The following PRKAR1B variants were observed in gnomAD, a reference collection of about 807,000 sequenced individuals.
PRKAR1B encodes protein kinase cAMP-dependent type I regulatory subunit beta, also known as cAMP-dependent protein kinase type I-beta regulatory subunit.
A neutral mutation model predicts 46.5 loss-of-function variants in PRKAR1B; 22 were observed. The ratio of observed to expected loss-of-function variants is 0.47; its 90% CI spans 0.34 to 0.68. The LOEUF (loss-of-function observed/expected upper bound fraction) is 0.68, where lower values mean the gene tolerates loss of function less well. Among genes scored for constraint, PRKAR1B ranks in the 30% least tolerant of loss-of-function variants. The probability of loss-of-function intolerance (pLI) is 0.01; values close to 1 mark genes in which losing one functional copy is unlikely to be tolerated. For synonymous variants in PRKAR1B, 259 were observed against 217.7 expected (o/e 1.19, Z -1.67); for missense variants, 445 against 535.6 (o/e 0.83, Z 1.67).
intron 9 of PRKAR1B, among the ~76,000 whole-genome samples, chr7:571,305 G>A (rs1057202412): frequency 3.3e-5 from 5 of 152,096 alleles, no homozygotes; most frequent in African/African-American, 7.2e-5. Flanking sequence ...GACCCCACCC[G>A]ATGACGGGGT....
chr7:605,100 A>C (rs947226223), intron 6 of PRKAR1B, among the ~76,000 whole-genome samples: 2 of 152,236 alleles, frequency 1.3e-5, no homozygotes, highest in Non-Finnish European at 2.9e-5. Flanking sequence ...CTGGGAAGTG[A>C]CATTTAGCAG....
intron 4 of PRKAR1B, among the ~76,000 whole-genome samples, chr7:630,368 C>T (rs1334002836): frequency 6.6e-6 from 1 of 152,186 alleles, no homozygotes; most frequent in Non-Finnish European, 1.5e-5. Flanking sequence ...GAAAACAGGC[C>T]CAAACTGCGC....
At chr7:584,592 A>G in intron 7 of PRKAR1B, 24 bp from the exon 8 acceptor site, 1 of 1,601,046 alleles carries the variant, frequency 6.2e-7, no homozygotes, top group Non-Finnish European at 8.5e-7. Flanking sequence ...AGTAAAAAAC[A>G]GACAAGAAGG....
rs1174889037 is a variant in PRKAR1B, at chr7:644,784, TC to T, written c.440+32444del. Reference sequence around the variant, plus strand: ...GGGCCAGACCCTTCCCCCAGACACCTCCCATAGCCTTCCAGGGAAGCGGGCC... The same window carrying T: ...GGGCCAGACCCTTCCCCCAGACACCTCCATAGCCTTCCAGGGAAGCGGGCC... On this transcript the variant is annotated intron_variant, in intron 4 of 10. Coordinates refer to ENST00000537384, the MANE Select transcript of PRKAR1B (RefSeq NM_001164760.2). This position sits in a 1 kb window ranked among gnomAD's most constrained non-coding sequence, Gnocchi z 4.9. 6.6e-6 allele frequency among the ~76,000 whole-genome samples: 1 copy of T among 151,832 alleles called. No individual in the cohort carries two copies. Among genetic ancestry groups the T allele is most frequent in the Non-Finnish European group, 1.5e-5 (1 of 67,926 alleles).
intron 4 of PRKAR1B, 62 bp downstream of exon 4, chr7:677,167 C>T: frequency 6.5e-7 from 1 of 1,528,650 alleles, no homozygotes. Flanking sequence ...GCGGGACCTG[C>T]CCACCTCCCG....
At chr7:716,333 G>C (rs541715976) in intron 1 of PRKAR1B, among the ~76,000 whole-genome samples, 6 of 151,282 alleles carry the variant, frequency 4.0e-5, no homozygotes, top group African/African-American at 1.2e-4. Context: ...TGGGACTACA[G>C]GTATGAGCCA....
At chr7:668,407 C>T (rs772587562) in intron 4 of PRKAR1B, among the ~76,000 whole-genome samples, 19 of 152,282 alleles carry the variant, frequency 1.2e-4, no homozygotes, top group Admixed American at 4.6e-4. Flanking sequence ...CCTCTGGAAC[C>T]GGTTTCCTGA....
Position 631,298 on chromosome 7 carries a change from G to A in PRKAR1B, c.441-23846C>T, listed in dbSNP as rs1254146882. ...CAGTTGTTCAAACAGCAAGATGGAAGTTGACAGTGGCCAGGTGTGGACAGC... is the reference window on the plus strand; with the variant it reads ...CAGTTGTTCAAACAGCAAGATGGAAATTGACAGTGGCCAGGTGTGGACAGC... On this transcript the variant is annotated intron_variant, in intron 4 of 10. Transcript: ENST00000537384. Among the ~76,000 whole-genome samples the A allele has an allele frequency of 3.3e-5, 5 of 152,220 alleles. No homozygotes were observed. In the East Asian group the frequency reaches 9.6e-4, roughly 29 times the overall value.
chr7:626,609 G>A (rs1175074039), intron 4 of PRKAR1B, among the ~76,000 whole-genome samples: 1 of 151,284 alleles, frequency 6.6e-6, no homozygotes, highest in African/African-American at 2.4e-5. Context: ...ATTAGCTTCA[G>A]AAAATAGAAG....
intron 4 of PRKAR1B, among the ~76,000 whole-genome samples, chr7:613,806 A>C (rs138455757): frequency 0.022 from 3,375 of 152,316 alleles, 143 homozygotes; most frequent in African/African-American, 0.077. Context: ...AGCCAAGACA[A>C]GCGCAGGTTG....
At chr7:597,334 G>C (rs571087812) in intron 6 of PRKAR1B, among the ~76,000 whole-genome samples, 5 of 152,330 alleles carry the variant, frequency 3.3e-5, no homozygotes, top group African/African-American at 9.6e-5. Flanking sequence ...TCCACAATTA[G>C]GTACAAGTGA....
At chr7:624,620 C>T (rs1258526270) in intron 4 of PRKAR1B, among the ~76,000 whole-genome samples, 1 of 152,098 alleles carries the variant, frequency 6.6e-6, no homozygotes, top group Non-Finnish European at 1.5e-5. Flanking sequence ...CAGAATGGAA[C>T]ACAAGGAGGT....
Position 632,665 on chromosome 7 carries a change from A to G in PRKAR1B, c.441-25213T>C, listed in dbSNP as rs548421405. On this transcript the variant is annotated intron_variant, in intron 4 of 10. Coordinates refer to ENST00000537384, the MANE Select transcript of PRKAR1B (RefSeq NM_001164760.2). ...GCTGCGTGTCTGCTCTGCAGGGCACAGGGCGAGGCTGAGCTCACTCCGGTT... is the reference window on the plus strand; with the variant it reads ...GCTGCGTGTCTGCTCTGCAGGGCACGGGGCGAGGCTGAGCTCACTCCGGTT... Among the ~76,000 whole-genome samples, 5 of 152,354 alleles carry G rather than the reference A, an allele frequency of 3.3e-5. No homozygotes were observed. The East Asian group carries it at 9.6e-4, about 29-fold the overall frequency.
intron 4 of PRKAR1B, among the ~76,000 whole-genome samples, chr7:650,378 C>G (rs1375303735): frequency 1.3e-5 from 2 of 152,128 alleles, no homozygotes; most frequent in Non-Finnish European, 2.9e-5. Flanking sequence ...TCAGCCCCTC[C>G]CTCCCTCCCT....
Position 550,238 on chromosome 7 carries a change from C to A in PRKAR1B, c.*192G>T. On this transcript the variant is annotated 3_prime_UTR_variant, in exon 11 of 11. Transcript: ENST00000537384. The stretch of plus-strand genomic sequence containing the variant: ...CTTGGGATGCATTTTGTCCGCTTGT[C>A]CTTTGATTTGGAAATGCACAAGGTG... 1 of 589,894 alleles carries A rather than the reference C, an allele frequency of 1.7e-6. No homozygotes were observed. Among genetic ancestry groups the A allele is most frequent in the South Asian group, 2.0e-5 (1 of 49,764 alleles). The allele number at this position is 589,894 out of a possible 1,614,324, so 36.5% of individuals were successfully genotyped here. A position where few individuals can be genotyped will look rare whatever the true frequency, so the allele number is the denominator to read the frequency against.
chr7:679,807 G>C (rs1454074100), intron 3 of PRKAR1B, among the ~76,000 whole-genome samples: 1 of 152,106 alleles, frequency 6.6e-6, no homozygotes, highest in African/African-American at 2.4e-5. Flanking sequence ...AGGTGGCTGG[G>C]GTTGGATGGG....
chr7:709,239 A>T (rs1277756775), intron 2 of PRKAR1B, among the ~76,000 whole-genome samples: 1 of 152,074 alleles, frequency 6.6e-6, no homozygotes, highest in African/African-American at 2.4e-5. Flanking sequence ...ATATATAAAA[A>T]ATGAAAAATA....
At chr7:679,789 C>T (rs1365978717) in intron 3 of PRKAR1B, among the ~76,000 whole-genome samples, 1 of 152,022 alleles carries the variant, frequency 6.6e-6, no homozygotes, top group Non-Finnish European at 1.5e-5. Flanking sequence ...TGGAGAGAGG[C>T]CTTTGGGAGG....
At chr7:640,323 C>G (rs1257367144) in intron 4 of PRKAR1B, among the ~76,000 whole-genome samples, 2 of 152,104 alleles carry the variant, frequency 1.3e-5, no homozygotes, top group Non-Finnish European at 2.9e-5. Context: ...ATAAAGAACA[C>G]TTACAACTCC....
Sources: allele counts gnomAD v4.1 joint callset (sites outside exome capture counted in the v4.1 genomes callset), GRCh38; gene constraint gnomAD v4.1.1; non-coding constraint Gnocchi (gnomAD v3.1); transcripts MANE v1.5; gene names NCBI Gene and HGNC (gene_info 2026-07-23, HGNC 2026-07-21).